CTNNA2: variants seen among roughly 807,000 people sequenced by gnomAD.
The protein encoded by CTNNA2 is catenin alpha-2.
Under a neutral mutation model 101.0 loss-of-function variants are expected in CTNNA2, and 42 were observed. That is an observed-to-expected ratio of 0.42 (90% confidence interval 0.32 to 0.54). CTNNA2 has a LOEUF of 0.54. Among genes scored for constraint, CTNNA2 ranks in the 20% least tolerant of loss-of-function variants. CTNNA2 has a pLI of 0.14. For missense variants in CTNNA2, 871 were observed against 1,223.1 expected, an observed-to-expected ratio of 0.71 and a Z score of 4.29; for synonymous variants, 450 against 456.4, an observed-to-expected ratio of 0.99 and a Z score of 0.18.
In CTNNA2 at chr2:80,126,597, TCCCTCCCTCC is replaced by T. The variant is rs1558832906; in HGVS notation, c.1056+216802_1056+216811del. 5.0e-3 allele frequency among the ~76,000 whole-genome samples: 109 copies of T among 21,700 alleles called. 1 individual carries two copies. The highest frequency in any genetic ancestry group is 7.5e-3 in the Admixed American group (17 of 2,270). 14.2% of individuals were successfully genotyped at this position (21,700 alleles called of 152,430 possible). A position where few individuals can be genotyped will look rare whatever the true frequency, so the allele number is the denominator to read the frequency against. On this transcript the variant is annotated intron_variant, in intron 7 of 18. Transcript: ENST00000402739. Reference sequence around the variant, plus strand: ...TTTGCCCTTTCTTTCCCTCCCTCCCTCCCTCCCTCCCTCCCTCCCTCCCTCCCTCCCTCCC... The same window carrying T: ...TTTGCCCTTTCTTTCCCTCCCTCCCTCTCCCTCCCTCCCTCCCTCCCTCCC...
intron 2 of CTNNA2, among the ~76,000 whole-genome samples, chr2:79,727,658 T>C (rs1481772318): frequency 6.6e-6 from 1 of 151,612 alleles, no homozygotes; most frequent in Non-Finnish European, 1.5e-5. Context: ...ACATGTGCCA[T>C]GCTGGTGTCC....
chr2:79,326,505 A>G (rs566220676), intron 3 of CTNNA2, among the ~76,000 whole-genome samples: 13 of 152,146 alleles, frequency 8.5e-5, no homozygotes, highest in Non-Finnish European at 1.8e-4. Context: ...TAAATTCAGG[A>G]AAAGTTACAA....
chr2:80,111,022 G>A (rs748716576), intron 7 of CTNNA2, among the ~76,000 whole-genome samples: 15 of 152,138 alleles, frequency 9.9e-5, no homozygotes, highest in Non-Finnish European at 1.9e-4. Flanking sequence ...TTCACATGGT[G>A]GCAGGAAGGA....
chr2:79,892,498 T>C (rs1684380173), intron 6 of CTNNA2, among the ~76,000 whole-genome samples: 1 of 152,208 alleles, frequency 6.6e-6, no homozygotes, highest in Admixed American at 6.5e-5. Flanking sequence ...TTCCGTATTT[T>C]ATGAACCTTT....
intron 2 of CTNNA2, among the ~76,000 whole-genome samples, chr2:79,679,844 C>T (rs547075344): frequency 1.3e-5 from 2 of 152,176 alleles, no homozygotes; most frequent in South Asian, 2.1e-4. Context: ...AGTCCTCCTG[C>T]GTCTTCTCCC....
chr2:79,270,238 A>T (rs1675049055), intron 2 of CTNNA2, among the ~76,000 whole-genome samples: 1 of 152,124 alleles, frequency 6.6e-6, no homozygotes, highest in Non-Finnish European at 1.5e-5. Flanking sequence ...CTGTAAAAAA[A>T]ATATATGACA....
In CTNNA2 at chr2:80,201,354, T is replaced by A. The variant is rs1420404844; in HGVS notation, c.1057-191857T>A. ...GGCATGTTTTATCGTATCCACAATA[T>A]TTCTTTTTCTTTCTTTTTTTTTTTT... On this transcript the variant is annotated intron_variant, in intron 7 of 18. Coordinates refer to ENST00000402739, the MANE Select transcript of CTNNA2 (RefSeq NM_001282597.3). Among the ~76,000 whole-genome samples, 3 of 146,474 alleles carry A rather than the reference T, an allele frequency of 2.0e-5. No individual in the cohort carries two copies. The Admixed American group carries it at 2.1e-4, about 10-fold the overall frequency.
intron 1 of CTNNA2, among the ~76,000 whole-genome samples, chr2:79,564,073 A>G (rs1466198541): frequency 6.6e-6 from 1 of 152,084 alleles, no homozygotes; most frequent in Non-Finnish European, 1.5e-5. Context: ...GCTGTGCCAC[A>G]CGTGGGTTTG....
At chr2:80,394,720 T>C (rs1315872247) in intron 8 of CTNNA2, among the ~76,000 whole-genome samples, 1 of 152,056 alleles carries the variant, frequency 6.6e-6, no homozygotes, top group Non-Finnish European at 1.5e-5. Flanking sequence ...GGATCCTTCA[T>C]CTCTTGGTCT....
intron 7 of CTNNA2, among the ~76,000 whole-genome samples, chr2:80,073,395 G>A (rs1698472952): frequency 6.6e-6 from 1 of 152,120 alleles, no homozygotes; most frequent in Non-Finnish European, 1.5e-5. Flanking sequence ...GTATCTAGGT[G>A]ATGTCACTGG....
At chr2:79,253,655 G>A (rs1050382646) in intron 2 of CTNNA2, among the ~76,000 whole-genome samples, 1 of 152,162 alleles carries the variant, frequency 6.6e-6, no homozygotes, top group African/African-American at 2.4e-5. Context: ...GGGACAGCAA[G>A]GAAGGAACCA....
At chr2:79,910,834 TA>T (rs2104328907) in intron 7 of CTNNA2, among the ~76,000 whole-genome samples, 1 of 152,234 alleles carries the variant, frequency 6.6e-6, no homozygotes, top group Admixed American at 6.5e-5. Flanking sequence ...AATATGTAGC[TA>T]ACAGACATGC....
rs568258794 is a variant in CTNNA2 at position 79,375,780 on chromosome 2, A to T, written c.-135+1767A>T. On this transcript the variant is annotated intron_variant, in intron 4 of 21. Transcript: ENST00000466387. The stretch of plus-strand genomic sequence containing the variant: ...TAACAAAAACATATGAGCCACTTCA[A>T]ACATGCCGGTGCAAAGCCTACAATT... Among the ~76,000 whole-genome samples, 211 of 152,316 alleles carry T rather than the reference A, an allele frequency of 1.4e-3. 1 individual carries two copies. Among genetic ancestry groups the T allele is most frequent in the Non-Finnish European group, 2.4e-3 (162 of 68,032 alleles).
intron 7 of CTNNA2, chr2:80,328,279 CCTT>C (rs1175454348): frequency 2.1e-6 from 1 of 470,876 alleles, no homozygotes; most frequent in African/African-American, 2.0e-5. Context: ...GATAACAACT[CCTT>C]CTTTGCTCTG....
intron 7 of CTNNA2, among the ~76,000 whole-genome samples, chr2:80,230,944 A>G (rs1709172377): frequency 6.7e-6 from 1 of 148,172 alleles, no homozygotes; most frequent in Non-Finnish European, 1.5e-5. Flanking sequence ...ACGTAGAATG[A>G]TTGTGTTCCT....
intron 18 of CTNNA2, among the ~76,000 whole-genome samples, chr2:80,645,100 T>C (rs1431584396): frequency 1.3e-5 from 2 of 152,204 alleles, no homozygotes; most frequent in African/African-American, 4.8e-5. Context: ...CTATTTCTAC[T>C]AATTCTGTTG....
At chr2:79,327,635 C>A (rs901668283) in intron 3 of CTNNA2, among the ~76,000 whole-genome samples, 10 of 152,242 alleles carry the variant, frequency 6.6e-5, no homozygotes, top group Admixed American at 6.5e-4. Context: ...CAACAGGCAC[C>A]AACAGATAAT....
intron 9 of CTNNA2, among the ~76,000 whole-genome samples, chr2:80,480,127 C>T (rs1441860874): frequency 6.6e-6 from 1 of 151,766 alleles, no homozygotes; most frequent in African/African-American, 2.4e-5. Flanking sequence ...TAAACCTTAC[C>T]CATTATTTGC....
intron 1 of CTNNA2, among the ~76,000 whole-genome samples, chr2:79,520,076 C>G (rs139327742): frequency 9.1e-4 from 138 of 152,332 alleles, no homozygotes; most frequent in African/African-American, 3.2e-3. Flanking sequence ...GTCTTCCTAC[C>G]AATCCAGCTC....
Sources: gnomAD v4.1 joint callset for allele counts (sites outside exome capture counted in the v4.1 genomes callset) on GRCh38, gnomAD v4.1.1 for gene constraint, MANE v1.5 for transcripts, NCBI Gene and HGNC (gene_info 2026-07-23, HGNC 2026-07-21) for gene names.